MMAA: variants seen among roughly 807,000 people sequenced by gnomAD.
MMAA encodes the protein methylmalonic aciduria type A protein, mitochondrial.
In MMAA, 41 loss-of-function variants were observed where a neutral mutation model predicts 45.0. The observed-to-expected ratio is 0.91, with a 90% confidence interval of 0.71 to 1.18. The LOEUF is 1.18. Ranked by LOEUF, MMAA falls within the 50% of genes most tolerant of loss-of-function variation. MMAA has a pLI of 0.00. For synonymous variants in MMAA, 154 were observed against 178.2 expected, an observed-to-expected ratio of 0.86 and a Z score of 1.08; for missense variants, 460 against 495.7, an observed-to-expected ratio of 0.93 and a Z score of 0.68.
intron 4 of MMAA, 118 bp from the exon 5 acceptor site, chr4:145,650,944 A>G (rs1728071102): frequency 1.2e-6 from 1 of 864,762 alleles, no homozygotes; most frequent in Non-Finnish European, 2.0e-6. Context: ...AGGAGTGACC[A>G]GGTTGACTGT....
intron 2 of MMAA, among the ~76,000 whole-genome samples, 196 bp from the exon 3 acceptor site, chr4:145,642,167 C>G (rs1727805215): frequency 6.6e-6 from 1 of 152,136 alleles, no homozygotes; most frequent in Admixed American, 6.5e-5. Context: ...CAGGGTGTTT[C>G]CTTCCTATAG....
At chr4:145,641,712 T>A (rs1017888493) in intron 2 of MMAA, among the ~76,000 whole-genome samples, 9 of 152,164 alleles carry the variant, frequency 5.9e-5, no homozygotes, top group African/African-American at 2.2e-4. Context: ...TTACCCAAGA[T>A]CACATAGCTC....
At chr4:145,642,242 T>G in intron 2 of MMAA, 121 bp from the exon 3 acceptor site, 1 of 1,119,608 alleles carries the variant, frequency 8.9e-7, no homozygotes, top group Non-Finnish European at 1.3e-6. Flanking sequence ...TTGAAATATA[T>G]TAATTGTGGT....
intron 3 of MMAA, among the ~76,000 whole-genome samples, chr4:145,645,557 G>A (rs914612217): frequency 6.6e-6 from 1 of 152,126 alleles, no homozygotes; most frequent in African/African-American, 2.4e-5. Flanking sequence ...ACAGACCCTG[G>A]GCTTGACACA....
At chr4:145,638,325 C>T (rs545959562) in intron 1 of MMAA, among the ~76,000 whole-genome samples, 3 of 152,048 alleles carry the variant, frequency 2.0e-5, no homozygotes, top group Admixed American at 1.3e-4. Context: ...GCCGAGATGA[C>T]GCCACTGCAC....
chr4:145,640,275 G>C (rs948611862), intron 2 of MMAA, among the ~76,000 whole-genome samples: 2 of 151,924 alleles, frequency 1.3e-5, no homozygotes, highest in African/African-American at 4.8e-5. Flanking sequence ...ACCATGCCCA[G>C]CTAATTTTTG....
intron 1 of MMAA, among the ~76,000 whole-genome samples, chr4:145,626,680 A>C (rs918569339): frequency 6.6e-6 from 1 of 152,222 alleles, no homozygotes; most frequent in African/African-American, 2.4e-5. Flanking sequence ...AAGTTCTGCC[A>C]CTAGTTCTGA....
rs775285481 is a variant in MMAA at position 145,658,585 on chromosome 4, A to G, written c.*3151A>G. Reference sequence around the variant, plus strand: ...ATTTTCTCTTCAGAATCACTCGATCATATGGCCATTTCCCTAAGCTTTTAT... The same window carrying G: ...ATTTTCTCTTCAGAATCACTCGATCGTATGGCCATTTCCCTAAGCTTTTAT... On this transcript the variant is annotated 3_prime_UTR_variant, in exon 7 of 7. Transcript: ENST00000649156. 4 of 152,196 alleles carry G rather than the reference A, an allele frequency of 2.6e-5. No homozygotes were observed. Among genetic ancestry groups the G allele is most frequent in the Non-Finnish European group, 5.9e-5 (4 of 68,016 alleles). The allele number at this position is 152,196 out of a possible 1,614,324, so 9.4% of individuals were successfully genotyped here.
At chr4:145,637,947 T>C (rs1727664341) in intron 1 of MMAA, among the ~76,000 whole-genome samples, 1 of 152,246 alleles carries the variant, frequency 6.6e-6, no homozygotes, top group Non-Finnish European at 1.5e-5. Context: ...AAGGTTATTT[T>C]GGCTTAAGTG....
chr4:145,643,160 A>G (rs1727833087), intron 3 of MMAA, among the ~76,000 whole-genome samples: 1 of 152,216 alleles, frequency 6.6e-6, no homozygotes, highest in Non-Finnish European at 1.5e-5. Context: ...AGAAAACAGA[A>G]AGCATACCAT....
chr4:145,638,406 A>G (rs572009015), intron 1 of MMAA, among the ~76,000 whole-genome samples: 19 of 152,334 alleles, frequency 1.2e-4, no homozygotes, highest in African/African-American at 4.6e-4. Context: ...GTAGTGGTTC[A>G]AACTTTAGTG....
In MMAA at chr4:145,655,226, T is replaced by A; in HGVS notation, c.1049T>A (p.Leu350His). The A allele has an allele frequency of 6.2e-7, 1 of 1,614,182 alleles. No homozygotes were observed. The change falls in exon 7 of 7, where the codon CTT (leucine) becomes CAT (histidine). Residue 350 changes from leucine (L) to histidine (H), a missense_variant. By Grantham distance (99) the Leu-to-His change is moderately conservative. Transcript: ENST00000649156. ...DKMKDFQDLM[L>H]ASGELTAKRR... is the part of the protein sequence containing the mutation. ...ATGAAAGATTTCCAGGACCTAATGC[T>A]TGCCAGTGGGGAGCTGACTGCCAAA...
chr4:145,635,146 A>G (rs1009731805), intron 1 of MMAA, among the ~76,000 whole-genome samples: 15 of 152,064 alleles, frequency 9.9e-5, no homozygotes, highest in Non-Finnish European at 1.5e-4. Flanking sequence ...CTTGCCTAGG[A>G]GTTGCAGTCC....
intron 1 of MMAA, among the ~76,000 whole-genome samples, chr4:145,621,265 C>T (rs1203039952): frequency 6.6e-6 from 1 of 152,112 alleles, no homozygotes; most frequent in Non-Finnish European, 1.5e-5. Flanking sequence ...CTTCCTAGTT[C>T]AAGCCTGGAT....
intron 2 of MMAA, among the ~76,000 whole-genome samples, chr4:145,640,183 T>C (rs185296037): frequency 1.4e-3 from 219 of 152,004 alleles, no homozygotes; most frequent in African/African-American, 5.1e-3. Context: ...CTCGGCTCAC[T>C]GCAACCTCTG....
At chr4:145,630,023 A>G (rs917707810) in intron 1 of MMAA, among the ~76,000 whole-genome samples, 1 of 152,156 alleles carries the variant, frequency 6.6e-6, no homozygotes, top group African/African-American at 2.4e-5. Flanking sequence ...GCCTCATATA[A>G]TGAATTTGGA....
In MMAA at chr4:145,659,183, A is replaced by G. The variant is rs1270444920; in HGVS notation, c.*3749A>G. The G allele has an allele frequency of 6.6e-6, 1 of 152,190 alleles. No individual in the cohort carries two copies. The highest frequency in any genetic ancestry group is 2.4e-5 in the African/African-American group (1 of 41,462). The allele number at this position is 152,190 out of a possible 1,614,324, so 9.4% of individuals were successfully genotyped here. ...TTAATTAAAATTTTTAAAATTTTAAAATTTACTAAATTTATGAACGTTTTT... is the reference window on the plus strand; with the variant it reads ...TTAATTAAAATTTTTAAAATTTTAAGATTTACTAAATTTATGAACGTTTTT... On this transcript the variant is annotated 3_prime_UTR_variant, in exon 7 of 7. Coordinates refer to ENST00000649156, the MANE Select transcript of MMAA (RefSeq NM_172250.3).
At chr4:145,639,975 C>T (rs1002844078) in intron 2 of MMAA, 53 of 389,882 alleles carry the variant, frequency 1.4e-4, no homozygotes, top group Middle Eastern at 1.4e-3. Flanking sequence ...AAAATTCTGC[C>T]TCTTAGGTAT....
intron 1 of MMAA, among the ~76,000 whole-genome samples, chr4:145,633,362 T>A (rs1377492306): frequency 6.6e-6 from 1 of 151,700 alleles, no homozygotes; most frequent in East Asian, 2.0e-4. Flanking sequence ...CACACCTGGC[T>A]AATTTTTGTA....
Sources: allele counts gnomAD v4.1 joint callset (sites outside exome capture counted in the v4.1 genomes callset), GRCh38; gene constraint gnomAD v4.1.1; transcripts MANE v1.5; gene names NCBI Gene and HGNC (gene_info 2026-07-23, HGNC 2026-07-21).